FRRS1: variants seen among roughly 807,000 people sequenced by gnomAD.
FRRS1 encodes ferric chelate reductase 1, also known as ferric reductase 1.
In FRRS1, 51 loss-of-function variants were observed where a neutral mutation model predicts 70.7. The ratio of observed to expected loss-of-function variants is 0.72; its 90% CI spans 0.58 to 0.91. The LOEUF (loss-of-function observed/expected upper bound fraction) is 0.91, where lower values mean the gene tolerates loss of function less well. FRRS1 is among the 40% of genes least tolerant of loss of function. The pLI is 0.00. For missense variants in FRRS1, 672 were observed against 726.0 expected, an observed-to-expected ratio of 0.93 and a Z score of 0.86; for synonymous variants, 225 against 238.7, an observed-to-expected ratio of 0.94 and a Z score of 0.53.
chr1:99,746,652 G>A (rs1024154571), intron 4 of FRRS1, among the ~76,000 whole-genome samples: 1 of 152,206 alleles, frequency 6.6e-6, no homozygotes, highest in Non-Finnish European at 1.5e-5. Context: ...CTATGGAGAA[G>A]AAGCAGTCCC....
At chr1:99,717,636 C>A (rs1266620329) in intron 10 of FRRS1, 111 bp from the exon 11 acceptor site, 4 of 715,138 alleles carry the variant, frequency 5.6e-6, no homozygotes, top group Non-Finnish European at 1.0e-5. Context: ...ATACATTCAG[C>A]TGACATAAGT....
At chr1:99,718,644 A>C (rs1654654450) in intron 10 of FRRS1, among the ~76,000 whole-genome samples, 1 of 152,014 alleles carries the variant, frequency 6.6e-6, no homozygotes, top group Non-Finnish European at 1.5e-5. Flanking sequence ...CCTTGTTTTT[A>C]GGCTACTGTT....
chr1:99,723,215 T>C (rs1654921749), intron 9 of FRRS1, among the ~76,000 whole-genome samples: 1 of 152,236 alleles, frequency 6.6e-6, no homozygotes, highest in Non-Finnish European at 1.5e-5. Context: ...TGCACAGTTA[T>C]TATTCTCTAA....
chr1:99,726,465 T>C (rs1375119449), intron 9 of FRRS1, among the ~76,000 whole-genome samples: 1 of 152,220 alleles, frequency 6.6e-6, no homozygotes, highest in Non-Finnish European at 1.5e-5. Context: ...CTGGCTCTGC[T>C]ACTTGTTTGA....
chr1:99,744,961 C>G (rs1656172501), intron 4 of FRRS1, among the ~76,000 whole-genome samples: 1 of 108,070 alleles, frequency 9.3e-6, no homozygotes, highest in African/African-American at 3.2e-5. Context: ...CAGAGGGAGA[C>G]TCCGTCTCAA....
At chr1:99,722,363 A>G (rs907666540) in intron 9 of FRRS1, among the ~76,000 whole-genome samples, 1 of 152,182 alleles carries the variant, frequency 6.6e-6, no homozygotes, top group African/African-American at 2.4e-5. Context: ...TGAGTTTAGT[A>G]TAACCCTGAA....
At position 99,705,463 on chromosome 1, in the gene FRRS1, C is replaced by T. The variant is rs189136233; in HGVS notation, c.*3565G>A. Among the ~76,000 whole-genome samples, 2 of 152,244 alleles carry T rather than the reference C, an allele frequency of 1.3e-5. No homozygotes were observed. The highest frequency in any genetic ancestry group is 3.9e-4 in the East Asian group (2 of 5,188). On this transcript the variant is annotated 3_prime_UTR_variant, in exon 17 of 17. Transcript: ENST00000646001. ...TATAATGGATTATCTTAAACAAGGA[C>T]CTTTGTTCTTTTTTTCCCTGCCTCA...
intron 4 of FRRS1, among the ~76,000 whole-genome samples, chr1:99,743,516 A>C (rs1656077561): frequency 6.6e-6 from 1 of 152,246 alleles, no homozygotes; most frequent in African/African-American, 2.4e-5. Flanking sequence ...GTATTAGTCT[A>C]TTTTATCATT....
chr1:99,754,992 A>G (rs1479534917), intron 1 of FRRS1, among the ~76,000 whole-genome samples: 1 of 152,146 alleles, frequency 6.6e-6, no homozygotes, highest in Admixed American at 6.6e-5. Flanking sequence ...TTTAAGGAGG[A>G]GTGAAAGAAA....
intron 1 of FRRS1, among the ~76,000 whole-genome samples, chr1:99,764,055 T>C (rs1338091863): frequency 6.6e-6 from 1 of 152,094 alleles, no homozygotes; most frequent in Admixed American, 6.5e-5. Flanking sequence ...AGTAAACAGA[T>C]AACAAATACA....
At chr1:99,743,679 G>A (rs557453489) in intron 4 of FRRS1, among the ~76,000 whole-genome samples, 3 of 152,270 alleles carry the variant, frequency 2.0e-5, no homozygotes, top group African/African-American at 7.2e-5. Flanking sequence ...ATTAACTGTA[G>A]TTGGGACTAC....
At position 99,705,883 on chromosome 1, in the gene FRRS1, C is replaced by T. The variant is rs1654025635; in HGVS notation, c.*3145G>A. Among the ~76,000 whole-genome samples, 1 of 152,136 alleles carries T rather than the reference C, an allele frequency of 6.6e-6. No homozygotes were observed. The highest frequency in any genetic ancestry group is 1.5e-5 in the Non-Finnish European group (1 of 68,034). ...CTTTAGAAGAAAACATGATTTTGCT[C>T]ATTGTTTTTGGCAACATTGCTAAAG... On this transcript the variant is annotated 3_prime_UTR_variant, in exon 17 of 17. Transcript: ENST00000646001.
intron 4 of FRRS1, among the ~76,000 whole-genome samples, chr1:99,745,024 G>A (rs1196394540): frequency 6.6e-6 from 1 of 150,914 alleles, no homozygotes; most frequent in Non-Finnish European, 1.5e-5. Flanking sequence ...AATCATTGAG[G>A]AGAAAGTGTA....
At chr1:99,762,687 T>C (rs1340002258) in intron 1 of FRRS1, among the ~76,000 whole-genome samples, 2 of 152,194 alleles carry the variant, frequency 1.3e-5, no homozygotes, top group Admixed American at 6.5e-5. Flanking sequence ...TCCTCCAGAC[T>C]AGTTTTTGAA....
At chr1:99,757,492 T>C (rs1350430402) in intron 1 of FRRS1, among the ~76,000 whole-genome samples, 1 of 152,210 alleles carries the variant, frequency 6.6e-6, no homozygotes. Context: ...CTTCATTCCA[T>C]TTGTGAGCCT....
chr1:99,763,314 T>C (rs1392120048), intron 1 of FRRS1, among the ~76,000 whole-genome samples: 1 of 152,010 alleles, frequency 6.6e-6, no homozygotes, highest in East Asian at 1.9e-4. Context: ...TAAATTCCTG[T>C]CCATATAAAA....
At position 99,716,901 on chromosome 1, in the gene FRRS1, G is replaced by A. The variant is rs533617929; in HGVS notation, c.1236+509C>T. Among the ~76,000 whole-genome samples, 9 of 152,236 alleles carry A rather than the reference G, an allele frequency of 5.9e-5. No individual in the cohort carries two copies. In the South Asian group the frequency reaches 1.5e-3, roughly 25 times the overall value. ...GAAGGAAGAGCATGAAAAATAACACGTTCAGTTTCTCTTTCCACCCATACA... is the reference window on the plus strand; with the variant it reads ...GAAGGAAGAGCATGAAAAATAACACATTCAGTTTCTCTTTCCACCCATACA... On this transcript the variant is annotated intron_variant, in intron 11 of 16. Coordinates refer to ENST00000646001, the MANE Select transcript of FRRS1 (RefSeq NM_001361041.2).
intron 7 of FRRS1, among the ~76,000 whole-genome samples, chr1:99,737,867 C>T (rs753162479): frequency 2.7e-4 from 41 of 152,048 alleles, no homozygotes; most frequent in Middle Eastern, 6.8e-3. Flanking sequence ...CTCAGCCTCC[C>T]GTGCAGCCGG....
rs1654133331 is a variant in FRRS1, at chr1:99,708,676, C to CT, written c.*351dup. ...TATATATATATATCGTAATATATCT[C>CT]TTTATTATCCTAGTGACATCTGTTG... On this transcript the variant is annotated 3_prime_UTR_variant, in exon 17 of 17. Coordinates refer to ENST00000646001, the MANE Select transcript of FRRS1 (RefSeq NM_001361041.2). 5.8e-6 allele frequency: 1 copy of CT among 172,650 alleles called. No homozygotes were observed. The highest frequency in any genetic ancestry group is 1.1e-5 in the Non-Finnish European group (1 of 94,598). The allele number at this position is 172,650 out of a possible 1,614,324, so 10.7% of individuals were successfully genotyped here. A position where few individuals can be genotyped will look rare whatever the true frequency, so the allele number is the denominator to read the frequency against.
Sources: allele counts gnomAD v4.1 joint callset (sites outside exome capture counted in the v4.1 genomes callset), GRCh38; gene constraint gnomAD v4.1.1; transcripts MANE v1.5; gene names NCBI Gene and HGNC (gene_info 2026-07-23, HGNC 2026-07-21).